Variants in ATP10A observed in about 807,000 individuals in gnomAD.
The protein encoded by ATP10A is ATPase phospholipid transporting 10A (putative).
In ATP10A, 111 loss-of-function variants were observed where a neutral mutation model predicts 147.8. The observed-to-expected ratio is 0.75, with a 90% CI of 0.64 to 0.88. The LOEUF is 0.88. Ranked by LOEUF, ATP10A falls within the 40% of genes least tolerant of loss-of-function variation. The pLI is 0.00. For synonymous variants in ATP10A, 875 were observed against 841.6 expected (o/e 1.04, Z -0.69); for missense variants, 1,927 against 1,959.0 (o/e 0.98, Z 0.31).
chr15:25,749,842 A>G (rs577359214), intron 2 of ATP10A, among the ~76,000 whole-genome samples: 73 of 152,320 alleles, frequency 4.8e-4, no homozygotes, highest in Non-Finnish European at 9.0e-4. Flanking sequence ...GACAAAAAAT[A>G]AACTGAAAGA....
chr15:25,845,031 A>G (rs572547059), intron 1 of ATP10A, among the ~76,000 whole-genome samples: 17 of 152,284 alleles, frequency 1.1e-4, no homozygotes, highest in African/African-American at 4.1e-4. Flanking sequence ...ATACCCGGAG[A>G]AAGTGGTTCT....
intron 2 of ATP10A, among the ~76,000 whole-genome samples, chr15:25,764,300 C>T (rs897435571): frequency 6.6e-6 from 1 of 152,182 alleles, no homozygotes; most frequent in African/African-American, 2.4e-5. Flanking sequence ...ATGTTCCCTG[C>T]TACAGATGGC....
rs567549528 is a variant in ATP10A, at chr15:25,680,503, C to T, written c.3679-195G>A. Among the ~76,000 whole-genome samples, 3 of 152,060 alleles carry T rather than the reference C, an allele frequency of 2.0e-5. No homozygotes were observed. The South Asian group carries it at 6.2e-4, about 32-fold the overall frequency. Reference sequence around the variant, plus strand: ...CCCATGGACCGCCCTGGGAGATGCACATGAGGTGAGATGGAGTCAGGGGCG... The same window carrying T: ...CCCATGGACCGCCCTGGGAGATGCATATGAGGTGAGATGGAGTCAGGGGCG... On this transcript the variant is annotated intron_variant, in intron 19 of 20. Transcript: ENST00000555815.
intron 1 of ATP10A, among the ~76,000 whole-genome samples, chr15:25,840,212 A>G (rs937896818): frequency 2.0e-5 from 3 of 152,128 alleles, no homozygotes; most frequent in Non-Finnish European, 2.9e-5. Context: ...TACACAGGTA[A>G]CAAACCTATG....
chr15:25,765,878 G>A (rs1299551085), intron 2 of ATP10A, among the ~76,000 whole-genome samples: 1 of 152,186 alleles, frequency 6.6e-6, no homozygotes, highest in Non-Finnish European at 1.5e-5. Flanking sequence ...ACCCTTCTGA[G>A]CACTCACCAC....
chr15:25,801,479 A>T (rs1890936986), intron 1 of ATP10A, among the ~76,000 whole-genome samples: 9 of 152,190 alleles, frequency 5.9e-5, no homozygotes, highest in Admixed American at 5.9e-4. Context: ...AGGTGCATGC[A>T]GCGCTTAGCA....
chr15:25,860,699 G>A (rs1202821061), intron 1 of ATP10A, among the ~76,000 whole-genome samples: 5 of 152,062 alleles, frequency 3.3e-5, no homozygotes, highest in African/African-American at 1.2e-4. Flanking sequence ...TAGTCCAAAT[G>A]GAAGCTAAAG....
In ATP10A at chr15:25,760,294, C is replaced by T. The variant is rs560341734; in HGVS notation, c.654+20725G>A. 3.3e-5 allele frequency among the ~76,000 whole-genome samples: 5 copies of T among 152,224 alleles called. No individual in the cohort carries two copies. The South Asian group carries it at 8.3e-4, about 25-fold the overall frequency. ...AAAACATGGAATGATGTTTAGCCTT[C>T]GAGTGACAGTTATATGGATGTGTTA... On this transcript the variant is annotated intron_variant, in intron 2 of 20. Transcript: ENST00000555815.
In ATP10A at chr15:25,736,072, T is replaced by C. The variant is rs1164504832; in HGVS notation, c.724A>G (p.Arg242Gly). The stretch of plus-strand genomic sequence containing the variant: ...GATACTCACATGCAGCCGCGAAACC[T>C]ACTCAGGTCGTTGTTTGGCTTCTCG... ...ECEKPNNDLS[R>G]FRGCIIHDNG... is the part of the protein sequence containing the mutation. The change falls in exon 3 of 21, where the codon AGG (arginine) becomes GGG (glycine). Residue 242 changes from arginine (R) to glycine (G), a missense_variant. Arg to Gly is a moderately radical substitution (Grantham distance 125). Transcript: ENST00000555815. 6.2e-7 allele frequency: 1 copy of C among 1,613,780 alleles called. No individual in the cohort carries two copies. The highest frequency in any genetic ancestry group is 1.1e-5 in the South Asian group (1 of 91,060).
In ATP10A at chr15:25,701,951, C is replaced by T. The variant is rs202137938; in HGVS notation, c.2725G>A (p.Asp909Asn). The change falls in exon 13 of 21, where the codon GAC becomes AAC. Residue 909 changes from aspartate to asparagine, a missense_variant. Coordinates refer to ENST00000555815, the MANE Select transcript of ATP10A (RefSeq NM_024490.4). ...IAYACKLLDHDEEVITLNATS... is the reference protein window; with the variant it reads ...IAYACKLLDHNEEVITLNATS... Reference sequence around the variant, plus strand: ...GCATTCAGGGTGATGACCTCCTCGTCGTGGTCCAGCAGTTTGCAGGCATAT... The same window carrying T: ...GCATTCAGGGTGATGACCTCCTCGTTGTGGTCCAGCAGTTTGCAGGCATAT... The T allele has an allele frequency of 1.9e-6, 3 of 1,612,212 alleles. No homozygotes were observed. Among genetic ancestry groups the T allele is most frequent in the Middle Eastern group, 3.3e-4 (2 of 6,044 alleles).
intron 1 of ATP10A, among the ~76,000 whole-genome samples, chr15:25,809,428 A>C (rs1450576607): frequency 6.6e-6 from 1 of 152,218 alleles, no homozygotes; most frequent in Non-Finnish European, 1.5e-5. Context: ...CAGAGAAGGA[A>C]AAAATCAAAT....
At chr15:25,762,243 TGA>T (rs1437854229) in intron 2 of ATP10A, among the ~76,000 whole-genome samples, 1 of 152,180 alleles carries the variant, frequency 6.6e-6, no homozygotes, top group Non-Finnish European at 1.5e-5. Flanking sequence ...TGCCAAACTG[TGA>T]GTCAGTTAAA....
intron 17 of ATP10A, among the ~76,000 whole-genome samples, chr15:25,682,340 A>C (rs948510790): frequency 4.1e-5 from 4 of 97,878 alleles, no homozygotes; most frequent in Non-Finnish European, 6.1e-5. Context: ...TAACCTTGAT[A>C]TAGATGAATA....
intron 2 of ATP10A, among the ~76,000 whole-genome samples, chr15:25,746,133 G>A (rs1181683693): frequency 6.6e-6 from 1 of 152,024 alleles, no homozygotes; most frequent in Non-Finnish European, 1.5e-5. Context: ...AAGACCTAAA[G>A]CATGCAGATA....
chr15:25,765,962 G>A lies in ATP10A; in HGVS notation c.654+15057C>T, dbSNP rs560471114. Among the ~76,000 whole-genome samples the A allele has an allele frequency of 1.6e-4, 24 of 152,228 alleles. No individual in the cohort carries two copies. In the South Asian group the frequency reaches 4.3e-3, roughly 28 times the overall value. On this transcript the variant is annotated intron_variant, in intron 2 of 20. Transcript: ENST00000555815. ...TCCCATTTTGCAGATGTATCAGTCC[G>A]TTTTCACATTGCTAATAAAGACATA...
At chr15:25,701,882 G>C (rs373852618) in intron 13 of ATP10A, 34 bp downstream of exon 13, 23 of 1,554,652 alleles carry the variant, frequency 1.5e-5, no homozygotes, top group East Asian at 2.3e-5. Context: ...ACCACCCCAG[G>C]GGAAGGAAGC....
At chr15:25,764,164 A>AGGCACCGAGTGAGGCTGAT (rs1338525176) in intron 2 of ATP10A, among the ~76,000 whole-genome samples, 8 of 152,136 alleles carry the variant, frequency 5.3e-5, no homozygotes, top group Non-Finnish European at 1.2e-4. Context: ...CATTTCTTCA[A>AGGCACCGAGTGAGGCTGAT]GGCACCGAGT....
intron 1 of ATP10A, among the ~76,000 whole-genome samples, chr15:25,833,631 C>T (rs1226723792): frequency 6.6e-6 from 1 of 152,074 alleles, no homozygotes; most frequent in Non-Finnish European, 1.5e-5. Context: ...CCTCTCAGTT[C>T]CTATGTTACT....
chr15:25,693,780 T>A (rs2140316730), intron 14 of ATP10A, among the ~76,000 whole-genome samples: 2 of 152,286 alleles, frequency 1.3e-5, no homozygotes, highest in East Asian at 3.9e-4. Flanking sequence ...AGGGTCCCCA[T>A]GACGACCGTG....
Sources: allele counts gnomAD v4.1 joint callset (sites outside exome capture counted in the v4.1 genomes callset), GRCh38; gene constraint gnomAD v4.1.1; transcripts MANE v1.5; gene names NCBI Gene and HGNC (gene_info 2026-07-23, HGNC 2026-07-21).